GLRB: variants seen among roughly 807,000 people sequenced by gnomAD.
GLRB encodes the protein glycine receptor subunit beta.
Under a neutral mutation model 54.2 loss-of-function variants are expected in GLRB, and 33 were observed. The observed-to-expected ratio is 0.61, with a 90% CI of 0.46 to 0.81. The LOEUF is 0.81. Ranked by LOEUF, GLRB falls within the 40% of genes least tolerant of loss-of-function variation. The pLI is 0.00. For synonymous variants in GLRB, 209 were observed against 208.2 expected (o/e 1.00, Z -0.03); for missense variants, 572 against 584.6 (o/e 0.98, Z 0.22).
chr4:157,163,785 C>A (rs1223416834), intron 9 of GLRB, among the ~76,000 whole-genome samples: 1 of 151,308 alleles, frequency 6.6e-6, no homozygotes, highest in Non-Finnish European at 1.5e-5. Context: ...AGTCCCCAGG[C>A]TCATCTGCTT....
intron 2 of GLRB, among the ~76,000 whole-genome samples, chr4:157,114,459 T>C (rs1735533697): frequency 6.6e-6 from 1 of 151,856 alleles, no homozygotes; most frequent in Non-Finnish European, 1.5e-5. Flanking sequence ...TCTATTTTTA[T>C]TTTTCTTTAG....
intron 2 of GLRB, among the ~76,000 whole-genome samples, chr4:157,099,977 A>G (rs1489768447): frequency 3.3e-5 from 5 of 152,178 alleles, no homozygotes; most frequent in African/African-American, 1.2e-4. Context: ...GTGTTTGCCT[A>G]CTTTAAAAAA....
intron 2 of GLRB, among the ~76,000 whole-genome samples, chr4:157,118,574 TCTAA>T (rs952364873): frequency 2.0e-5 from 3 of 151,398 alleles, no homozygotes; most frequent in Admixed American, 6.6e-5. Context: ...TTTTGGGAGG[TCTAA>T]CTGATTGATT....
intron 2 of GLRB, among the ~76,000 whole-genome samples, chr4:157,081,583 A>G (rs918999902): frequency 6.6e-6 from 1 of 152,144 alleles, no homozygotes; most frequent in Non-Finnish European, 1.5e-5. Flanking sequence ...ACCTTAGACC[A>G]TCTCTTTCTA....
intron 4 of GLRB, among the ~76,000 whole-genome samples, chr4:157,126,075 T>C (rs1736007085): frequency 6.6e-6 from 1 of 151,798 alleles, no homozygotes; most frequent in Admixed American, 6.6e-5. Context: ...GTCAGAAAGA[T>C]GGAGGGCAAC....
intron 4 of GLRB, among the ~76,000 whole-genome samples, chr4:157,134,354 C>T (rs948913984): frequency 5.9e-5 from 9 of 151,908 alleles, no homozygotes; most frequent in African/African-American, 2.2e-4. Context: ...CCCAGGCTTT[C>T]GAGACCAGCC....
chr4:157,168,864 G>A (rs1737815618), intron 9 of GLRB, among the ~76,000 whole-genome samples: 1 of 151,962 alleles, frequency 6.6e-6, no homozygotes, highest in African/African-American at 2.4e-5. Context: ...GAGAAGAAAT[G>A]GTAATAATTT....
chr4:157,106,956 G>A (rs1291472460), intron 2 of GLRB, among the ~76,000 whole-genome samples: 1 of 152,026 alleles, frequency 6.6e-6, no homozygotes, highest in Non-Finnish European at 1.5e-5. Context: ...TTTTCCAACA[G>A]CTTGTGTTCC....
chr4:157,152,285 T>C (rs1036037465), intron 8 of GLRB, among the ~76,000 whole-genome samples: 3 of 152,176 alleles, frequency 2.0e-5, no homozygotes, highest in Admixed American at 2.0e-4. Flanking sequence ...TGTTCTGTTC[T>C]TGCTCTGATT....
At chr4:157,105,278 T>C (rs1002448031) in intron 2 of GLRB, among the ~76,000 whole-genome samples, 2 of 152,050 alleles carry the variant, frequency 1.3e-5, no homozygotes, top group Admixed American at 6.6e-5. Flanking sequence ...ATATTTTTCA[T>C]TAGCCCACTG....
chr4:157,119,399 T>C, intron 2 of GLRB, among the ~76,000 whole-genome samples: 1 of 151,616 alleles, frequency 6.6e-6, no homozygotes, highest in South Asian at 2.1e-4. Context: ...TGTTTTTGTG[T>C]TGGCAGGCTA....
chr4:157,127,197 A>C (rs977996693), intron 4 of GLRB, among the ~76,000 whole-genome samples: 1 of 151,808 alleles, frequency 6.6e-6, no homozygotes, highest in South Asian at 2.1e-4. Flanking sequence ...AACTTGCCTC[A>C]GTTTACTATT....
At chr4:157,093,794 G>C (rs1734708004) in intron 2 of GLRB, among the ~76,000 whole-genome samples, 2 of 149,870 alleles carry the variant, frequency 1.3e-5, no homozygotes, top group Admixed American at 1.3e-4. Flanking sequence ...GGTTCCCCTT[G>C]GCTCTGCTTT....
In GLRB at chr4:157,076,222, C is replaced by A. The variant is rs1315706575; in HGVS notation, c.-105C>A. The stretch of plus-strand genomic sequence containing the variant: ...CTGCCCCCGCTCGGCGCCCGCTGCA[C>A]CCTTAGCAGCCACTGCCACCTGGGC... On this transcript the variant is annotated 5_prime_UTR_variant, in exon 1 of 10. Transcript: ENST00000264428. 6.6e-6 allele frequency: 1 copy of A among 150,680 alleles called. No individual in the cohort carries two copies. Among genetic ancestry groups the A allele is most frequent in the Non-Finnish European group, 1.5e-5 (1 of 67,626 alleles). 9.3% of individuals were successfully genotyped at this position (150,680 alleles called of 1,614,324 possible). A position where few individuals can be genotyped will look rare whatever the true frequency, so the allele number is the denominator to read the frequency against.
chr4:157,162,415 T>C lies in GLRB; in HGVS notation c.1198-8017T>C, dbSNP rs565219163. ...CATTTCTTTGGAGGAGAAGAGGAGC[T>C]CTGATTTTTAGAATTTTCAGCTTTT... On this transcript the variant is annotated intron_variant, in intron 9 of 9. Coordinates refer to ENST00000264428, the MANE Select transcript of GLRB (RefSeq NM_000824.5). 5.3e-5 allele frequency among the ~76,000 whole-genome samples: 8 copies of C among 152,328 alleles called. No homozygotes were observed. The East Asian group carries it at 1.4e-3, about 26-fold the overall frequency.
At chr4:157,094,143 A>C (rs1373189595) in intron 2 of GLRB, among the ~76,000 whole-genome samples, 1 of 149,894 alleles carries the variant, frequency 6.7e-6, no homozygotes, top group African/African-American at 2.4e-5. Context: ...AGCTTTAATA[A>C]ATGTTCACCT....
chr4:157,138,395 A>G (rs1300730393), intron 6 of GLRB, among the ~76,000 whole-genome samples: 1 of 152,154 alleles, frequency 6.6e-6, no homozygotes, highest in Non-Finnish European at 1.5e-5. Context: ...AGAAATTTAG[A>G]TGTTTCAATG....
chr4:157,084,601 T>C, intron 2 of GLRB: 1 of 456,224 alleles, frequency 2.2e-6, no homozygotes, highest in Non-Finnish European at 4.4e-6. Flanking sequence ...TTTCATAAAC[T>C]AAAAATTGTG....
chr4:157,092,361 T>C (rs1262590609), intron 2 of GLRB, among the ~76,000 whole-genome samples: 1 of 152,198 alleles, frequency 6.6e-6, no homozygotes, highest in Non-Finnish European at 1.5e-5. Context: ...GCTTCTCTGA[T>C]AGTATAATTT....
Sources: allele counts gnomAD v4.1 joint callset (sites outside exome capture counted in the v4.1 genomes callset), GRCh38; gene constraint gnomAD v4.1.1; transcripts MANE v1.5; gene names NCBI Gene and HGNC (gene_info 2026-07-23, HGNC 2026-07-21).